ACAP2: variants seen among roughly 807,000 people sequenced by gnomAD.
ACAP2 encodes the protein ArfGAP with coiled-coil, ankyrin repeat and PH domains 2, also known as arf-GAP with coiled-coil, ANK repeat and PH domain-containing protein 2.
A neutral mutation model predicts 115.8 loss-of-function variants in ACAP2; 39 were observed. That is an observed-to-expected ratio of 0.34 (90% CI 0.26 to 0.44). The LOEUF is 0.44. Among genes scored for constraint, ACAP2 ranks in the 20% least tolerant of loss-of-function variants. The pLI is 1.00. For synonymous variants in ACAP2, 289 were observed against 315.8 expected (o/e 0.92, Z 0.90); for missense variants, 662 against 927.6 (o/e 0.71, Z 3.72).
At chr3:195,320,181 A>C (rs1165311279) in intron 10 of ACAP2, among the ~76,000 whole-genome samples, 1 of 151,764 alleles carries the variant, frequency 6.6e-6, no homozygotes, top group Non-Finnish European at 1.5e-5. Flanking sequence ...ACCAATTAAA[A>C]CTCCTTTCTT....
intron 9 of ACAP2, 116 bp downstream of exon 9, chr3:195,326,769 G>T: frequency 2.4e-6 from 2 of 829,988 alleles, no homozygotes; most frequent in Non-Finnish European, 3.7e-6. Context: ...GAATTTATCT[G>T]CACAATTATT....
At chr3:195,391,077 A>C (rs1458402371) in intron 2 of ACAP2, among the ~76,000 whole-genome samples, 2 of 152,208 alleles carry the variant, frequency 1.3e-5, no homozygotes, top group East Asian at 1.9e-4. Context: ...GTATTAGCTT[A>C]AAAATGGAAT....
chr3:195,337,523 A>C (rs1247026844), intron 6 of ACAP2, among the ~76,000 whole-genome samples: 1 of 146,220 alleles, frequency 6.8e-6, no homozygotes, highest in Non-Finnish European at 1.5e-5. Context: ...ATCTCAGCTC[A>C]CTGCAACCTC....
At chr3:195,398,497 C>T (rs113758472) in intron 1 of ACAP2, among the ~76,000 whole-genome samples, 3,278 of 152,066 alleles carry the variant, frequency 0.022, 114 homozygotes, top group East Asian at 0.1. Context: ...ATGCGCCAGG[C>T]ATGGTGGCGC....
chr3:195,411,631 T>C (rs542755598), intron 1 of ACAP2, among the ~76,000 whole-genome samples: 1 of 152,328 alleles, frequency 6.6e-6, no homozygotes, highest in East Asian at 1.9e-4. Context: ...ATCTACAATA[T>C]TTTTCCTCTA....
At chr3:195,284,804 G>A (rs988533368) in intron 22 of ACAP2, among the ~76,000 whole-genome samples, 15 of 152,044 alleles carry the variant, frequency 9.9e-5, no homozygotes, top group African/African-American at 3.4e-4. Flanking sequence ...TTTTAGTCAC[G>A]AATTCATGAA....
chr3:195,315,186 T>C (rs1218379522), intron 10 of ACAP2, among the ~76,000 whole-genome samples: 1 of 152,168 alleles, frequency 6.6e-6, no homozygotes, highest in East Asian at 1.9e-4. Context: ...CTGACTAATT[T>C]TTATATTTGT....
chr3:195,388,266 T>C (rs1009234441), intron 2 of ACAP2, among the ~76,000 whole-genome samples: 2 of 152,186 alleles, frequency 1.3e-5, no homozygotes, highest in Non-Finnish European at 2.9e-5. Context: ...CATTTGGTAG[T>C]ACTTGGCTGA....
At chr3:195,310,847 A>T (rs898319914) in intron 10 of ACAP2, among the ~76,000 whole-genome samples, 1 of 152,168 alleles carries the variant, frequency 6.6e-6, no homozygotes, top group Non-Finnish European at 1.5e-5. Flanking sequence ...GAAAGAAAAT[A>T]TAAACTCTTA....
At chr3:195,373,347 A>C (rs1447578505) in intron 4 of ACAP2, among the ~76,000 whole-genome samples, 7 of 152,168 alleles carry the variant, frequency 4.6e-5, no homozygotes, top group Admixed American at 2.0e-4. Context: ...CCCAAATTAA[A>C]TGTTATCAAA....
At chr3:195,313,167 C>T (rs776120161) in intron 10 of ACAP2, among the ~76,000 whole-genome samples, 1 of 152,200 alleles carries the variant, frequency 6.6e-6, no homozygotes, top group African/African-American at 2.4e-5. Flanking sequence ...TACACATATG[C>T]ATTTGTACAA....
At chr3:195,330,049 CCAT>C (rs961197935) in intron 8 of ACAP2, among the ~76,000 whole-genome samples, 13 of 152,040 alleles carry the variant, frequency 8.6e-5, no homozygotes, top group African/African-American at 3.1e-4. Flanking sequence ...AACTCACCCC[CCAT>C]CAACTCACCC....
At chr3:195,378,816 G>A (rs1202907867) in intron 4 of ACAP2, among the ~76,000 whole-genome samples, 4 of 146,716 alleles carry the variant, frequency 2.7e-5, no homozygotes, top group East Asian at 2.0e-4. Context: ...AGCCAAGATC[G>A]CACCACTGCA....
chr3:195,313,648 A>G (rs1480579547), intron 10 of ACAP2, among the ~76,000 whole-genome samples: 2 of 152,234 alleles, frequency 1.3e-5, no homozygotes, highest in Non-Finnish European at 2.9e-5. Context: ...AGCAGCATAC[A>G]GAACATTTTG....
intron 9 of ACAP2, among the ~76,000 whole-genome samples, chr3:195,323,253 T>C (rs1247000767): frequency 6.6e-6 from 1 of 151,284 alleles, no homozygotes; most frequent in African/African-American, 2.4e-5. Flanking sequence ...AAAAAAAGAG[T>C]ACAAGATTGG....
intron 10 of ACAP2, among the ~76,000 whole-genome samples, chr3:195,310,143 A>C (rs1016653928): frequency 2.6e-5 from 4 of 151,030 alleles, no homozygotes; most frequent in African/African-American, 9.7e-5. Context: ...ATTTTTAAAA[A>C]TTAAGTTAAT....
intron 4 of ACAP2, among the ~76,000 whole-genome samples, chr3:195,348,931 A>C (rs941704088): frequency 6.6e-6 from 1 of 152,194 alleles, no homozygotes; most frequent in African/African-American, 2.4e-5. Flanking sequence ...CATCACTTCT[A>C]TTCAACATTA....
At chr3:195,359,337 A>G (rs1353258819) in intron 4 of ACAP2, among the ~76,000 whole-genome samples, 4 of 152,244 alleles carry the variant, frequency 2.6e-5, no homozygotes, top group Non-Finnish European at 5.9e-5. Context: ...TATCTTAAGT[A>G]TTAATAGAAA....
At chr3:195,428,813 AG>A (rs1714887622) in intron 1 of ACAP2, among the ~76,000 whole-genome samples, 1 of 152,218 alleles carries the variant, frequency 6.6e-6, no homozygotes, top group Non-Finnish European at 1.5e-5. Context: ...GTGGAGCAAC[AG>A]GAACACTCAA....
Sources: gnomAD v4.1 joint callset for allele counts (sites outside exome capture counted in the v4.1 genomes callset) on GRCh38, gnomAD v4.1.1 for gene constraint, MANE v1.5 for transcripts, NCBI Gene and HGNC (gene_info 2026-07-23, HGNC 2026-07-21) for gene names.